ANK1: variants seen among roughly 807,000 people sequenced by gnomAD.
ANK1 encodes ankyrin 1.
ANK1 carries 51 observed loss-of-function variants against 210.4 expected under a neutral mutation model. That is an observed-to-expected ratio of 0.24 (90% CI 0.19 to 0.31). The LOEUF (loss-of-function observed/expected upper bound fraction) is 0.31, where lower values mean the gene tolerates loss of function less well. Ranked by LOEUF, ANK1 falls within the 10% of genes least tolerant of loss-of-function variation. ANK1 has a pLI of 1.00. For missense variants in ANK1, 2,051 were observed against 2,504.4 expected (o/e 0.82, Z 3.86); for synonymous variants, 967 against 1,025.9 (o/e 0.94, Z 1.10).
chr8:41,841,782 C>T (rs1417083304), intron 1 of ANK1, among the ~76,000 whole-genome samples: 3 of 152,304 alleles, frequency 2.0e-5, no homozygotes, highest in South Asian at 4.1e-4. Context: ...CACATCAAGA[C>T]GGCTGCCCCT....
chr8:41,846,261 G>A (rs888046325), intron 1 of ANK1, among the ~76,000 whole-genome samples: 9 of 152,200 alleles, frequency 5.9e-5, no homozygotes, highest in Non-Finnish European at 8.8e-5. Context: ...GGGTCCTGCC[G>A]CAAAGCCCAG....
At chr8:41,815,972 A>G (rs1046487496) in intron 1 of ANK1, among the ~76,000 whole-genome samples, 1 of 152,230 alleles carries the variant, frequency 6.6e-6, no homozygotes, top group Admixed American at 6.5e-5. Context: ...TTCGATGAAG[A>G]TATCGAAGGG....
intron 1 of ANK1, among the ~76,000 whole-genome samples, chr8:41,794,379 G>T (rs1436574819): frequency 6.6e-6 from 1 of 152,060 alleles, no homozygotes; most frequent in Admixed American, 6.5e-5. Context: ...CTGGAGTTTG[G>T]CCTGGCTGTT....
chr8:41,849,643 G>C (rs1481861345), intron 1 of ANK1, among the ~76,000 whole-genome samples: 1 of 152,172 alleles, frequency 6.6e-6, no homozygotes, highest in Admixed American at 6.5e-5. Context: ...GGATCCCACC[G>C]CCGCGCAGGG....
intron 38 of ANK1, among the ~76,000 whole-genome samples, chr8:41,669,277 G>A (rs180715766): frequency 6.6e-6 from 1 of 151,796 alleles, no homozygotes; most frequent in East Asian, 1.9e-4. Context: ...TGTGCACCCC[G>A]CTGCCTCCTC....
At chr8:41,716,377 T>A (rs1166012765) in intron 13 of ANK1, among the ~76,000 whole-genome samples, 1 of 152,184 alleles carries the variant, frequency 6.6e-6, no homozygotes, top group East Asian at 1.9e-4. Flanking sequence ...TGTTTCTGAA[T>A]GCTGCTGTCG....
At chr8:41,788,476 G>A (rs1846900057) in intron 1 of ANK1, among the ~76,000 whole-genome samples, 1 of 151,814 alleles carries the variant, frequency 6.6e-6, no homozygotes, top group South Asian at 2.1e-4. Flanking sequence ...CAGACCACAA[G>A]GGCACCTACA....
chr8:41,747,269 C>T (rs982582700), intron 2 of ANK1, among the ~76,000 whole-genome samples: 3 of 152,096 alleles, frequency 2.0e-5, no homozygotes, highest in African/African-American at 7.2e-5. Flanking sequence ...CCTCTAGTCT[C>T]ATCACAACCA....
At chr8:41,711,146 T>C (rs1305320546) in intron 16 of ANK1, among the ~76,000 whole-genome samples, 2 of 152,192 alleles carry the variant, frequency 1.3e-5, no homozygotes, top group African/African-American at 2.4e-5. Context: ...AGCAAAGGAA[T>C]GGGGTGCGAT....
chr8:41,881,178 G>T (rs1470950489), intron 1 of ANK1, among the ~76,000 whole-genome samples: 2 of 152,180 alleles, frequency 1.3e-5, no homozygotes, highest in Non-Finnish European at 1.5e-5. Context: ...CTTCCAAGAG[G>T]CTGTGTCTTC....
intron 1 of ANK1, among the ~76,000 whole-genome samples, chr8:41,811,421 C>CA (rs1249999558): frequency 6.6e-6 from 1 of 152,224 alleles, no homozygotes; most frequent in East Asian, 1.9e-4. Context: ...TAGAATTCTG[C>CA]AAAGGCGGTT....
At chr8:41,657,587 T>C (rs944830214) in intron 42 of ANK1, among the ~76,000 whole-genome samples, 1 of 152,204 alleles carries the variant, frequency 6.6e-6, no homozygotes, top group African/African-American at 2.4e-5. Context: ...GAAGTGCTCC[T>C]CAAATAAGAG....
intron 1 of ANK1, among the ~76,000 whole-genome samples, chr8:41,847,890 C>T (rs995231550): frequency 2.0e-5 from 3 of 152,064 alleles, no homozygotes; most frequent in Admixed American, 6.6e-5. Context: ...AACTGTGGGC[C>T]AGGCGCAGTG....
At chr8:41,765,196 CTTTCTCTTTT>C (rs1406207186) in intron 1 of ANK1, among the ~76,000 whole-genome samples, 2 of 136,986 alleles carry the variant, frequency 1.5e-5, no homozygotes, top group African/African-American at 5.5e-5. Context: ...CTTTCTTTTT[CTTTCTCTTTT>C]TTTCTCTTTC....
chr8:41,811,075 A>C (rs1802416127), intron 1 of ANK1, among the ~76,000 whole-genome samples: 1 of 152,198 alleles, frequency 6.6e-6, no homozygotes, highest in Non-Finnish European at 1.5e-5. Context: ...GAAGTTATAA[A>C]TCTTGCCTGC....
At chr8:41,748,994 C>T (rs945033559) in intron 2 of ANK1, among the ~76,000 whole-genome samples, 2 of 151,056 alleles carry the variant, frequency 1.3e-5, no homozygotes, top group Admixed American at 6.6e-5. Context: ...GAGATCCTGC[C>T]ACTGCCCTCC....
At chr8:41,847,758 A>G (rs1310603366) in intron 1 of ANK1, among the ~76,000 whole-genome samples, 2 of 152,136 alleles carry the variant, frequency 1.3e-5, no homozygotes, top group Non-Finnish European at 2.9e-5. Context: ...TTCCCCACAT[A>G]CGCACCCAAA....
chr8:41,669,123 C>CG (rs112256340), intron 38 of ANK1, among the ~76,000 whole-genome samples: 1 of 151,146 alleles, frequency 6.6e-6, no homozygotes, highest in Non-Finnish European at 1.5e-5. Context: ...AGGAGCACCC[C>CG]GGGGTGCAGT....
Position 41,689,534 on chromosome 8 carries a change from G to A in ANK1, c.4104+693C>T, listed in dbSNP as rs954828316. Among the ~76,000 whole-genome samples, 3 of 152,292 alleles carry A rather than the reference G, an allele frequency of 2.0e-5. No homozygotes were observed. The South Asian group carries it at 6.2e-4, about 32-fold the overall frequency. ...TGAATGTAACCTTGCTTCTTTCCTA[G>A]TTTAGCATGGAAGGCTAATGATTAA... On this transcript the variant is annotated intron_variant, in intron 33 of 42. Coordinates refer to ENST00000289734, the MANE Select transcript of ANK1 (RefSeq NM_000037.4).
Sources: gnomAD v4.1 joint callset for allele counts (sites outside exome capture counted in the v4.1 genomes callset) on GRCh38, gnomAD v4.1.1 for gene constraint, MANE v1.5 for transcripts, NCBI Gene and HGNC (gene_info 2026-07-23, HGNC 2026-07-21) for gene names.